Variants in DCLK1 observed in about 807,000 individuals in gnomAD.
DCLK1 encodes serine/threonine-protein kinase DCLK1.
DCLK1 carries 16 observed loss-of-function variants against 86.2 expected under a neutral mutation model. The observed-to-expected ratio is 0.19, with a 90% CI of 0.13 to 0.28. The LOEUF (loss-of-function observed/expected upper bound fraction) is 0.28, where lower values mean the gene tolerates loss of function less well. Ranked by LOEUF, DCLK1 falls within the 10% of genes least tolerant of loss-of-function variation. The pLI is 1.00. For missense variants in DCLK1, 590 were observed against 940.2 expected (o/e 0.63, Z 4.87); for synonymous variants, 369 against 370.5 (o/e 1.00, Z 0.05).
At chr13:35,880,222 C>T (rs1208494830) in intron 4 of DCLK1, among the ~76,000 whole-genome samples, 3 of 152,204 alleles carry the variant, frequency 2.0e-5, no homozygotes, top group African/African-American at 7.2e-5. Flanking sequence ...GTACCCATTG[C>T]TTAACCATCC....
At chr13:35,908,863 T>C (rs1479867831) in intron 4 of DCLK1, among the ~76,000 whole-genome samples, 1 of 152,202 alleles carries the variant, frequency 6.6e-6, no homozygotes. Flanking sequence ...CTTGAACTCC[T>C]GACCTCAAGT....
At chr13:36,060,625 C>A (rs1369986143) in intron 3 of DCLK1, among the ~76,000 whole-genome samples, 3 of 152,116 alleles carry the variant, frequency 2.0e-5, no homozygotes, top group African/African-American at 7.2e-5. Flanking sequence ...CTTCAGTATG[C>A]ACTCTGCAAG....
At chr13:35,922,501 T>C (rs149487325) in intron 4 of DCLK1, among the ~76,000 whole-genome samples, 12 of 152,300 alleles carry the variant, frequency 7.9e-5, no homozygotes, top group African/African-American at 2.6e-4. Flanking sequence ...TCTGAATCTA[T>C]TTCTTTGACT....
At chr13:35,775,546 T>C (rs1160829017) in intron 16 of DCLK1, among the ~76,000 whole-genome samples, 2 of 152,062 alleles carry the variant, frequency 1.3e-5, no homozygotes, top group East Asian at 3.9e-4. Flanking sequence ...ACAGATTTAA[T>C]GGGTGTGGGG....
At chr13:35,952,031 T>G (rs1877718008) in intron 3 of DCLK1, among the ~76,000 whole-genome samples, 2 of 152,188 alleles carry the variant, frequency 1.3e-5, no homozygotes, top group Admixed American at 1.3e-4. Flanking sequence ...GTTAATCTCT[T>G]TGTGTCTCGG....
intron 15 of DCLK1, among the ~76,000 whole-genome samples, chr13:35,802,124 A>G (rs2086932764): frequency 1.3e-5 from 2 of 152,128 alleles, no homozygotes. Flanking sequence ...GGGCTGGCAC[A>G]CAGTGTCTCT....
At chr13:35,980,641 T>C (rs1232001975) in intron 3 of DCLK1, among the ~76,000 whole-genome samples, 2 of 152,098 alleles carry the variant, frequency 1.3e-5, no homozygotes, top group African/African-American at 4.8e-5. Context: ...GAAGAAAATT[T>C]TTCCATGGAC....
At chr13:35,996,121 G>T (rs1158380347) in intron 3 of DCLK1, among the ~76,000 whole-genome samples, 2 of 152,028 alleles carry the variant, frequency 1.3e-5, no homozygotes, top group South Asian at 2.1e-4. Flanking sequence ...TAGAGACGGG[G>T]CTTCACCATG....
At chr13:35,913,426 A>G (rs541300739) in intron 4 of DCLK1, among the ~76,000 whole-genome samples, 3 of 152,212 alleles carry the variant, frequency 2.0e-5, no homozygotes, top group Admixed American at 6.5e-5. Context: ...ACCATGTCCA[A>G]CCACAAATGC....
At chr13:36,115,993 A>C (rs2138198220) in intron 2 of DCLK1, among the ~76,000 whole-genome samples, 1 of 151,772 alleles carries the variant, frequency 6.6e-6, no homozygotes, top group Non-Finnish European at 1.5e-5. Context: ...TCTGTCACCC[A>C]GGCTGGAGTG....
Position 35,923,829 on chromosome 13 carries a change from G to A in DCLK1, c.823+23529C>T, listed in dbSNP as rs141026443. 9.7e-4 allele frequency among the ~76,000 whole-genome samples: 147 copies of A among 152,290 alleles called. 1 individual carries two copies. Among genetic ancestry groups the A allele is most frequent in the African/African-American group, 3.2e-3 (134 of 41,552 alleles). On this transcript the variant is annotated intron_variant, in intron 4 of 16. Coordinates refer to ENST00000360631, the MANE Select transcript of DCLK1 (RefSeq NM_001330071.2). ...AGGACAGAAGAAACCCTGGGGGTCT[G>A]TTAGCCCTTGCTGTCAAGAATAGGA...
intron 8 of DCLK1, among the ~76,000 whole-genome samples, chr13:35,835,468 T>C (rs1869293911): frequency 6.6e-6 from 1 of 152,222 alleles, no homozygotes; most frequent in Non-Finnish European, 1.5e-5. Context: ...CTTTTCCGTC[T>C]AGTAGCCACC....
At chr13:36,011,608 C>T (rs1261123191) in intron 3 of DCLK1, among the ~76,000 whole-genome samples, 15 of 151,584 alleles carry the variant, frequency 9.9e-5, no homozygotes, top group Admixed American at 9.9e-4. Context: ...GTTATAATTT[C>T]TGTTCTTTTA....
intron 4 of DCLK1, among the ~76,000 whole-genome samples, chr13:35,884,729 A>C (rs1025611481): frequency 6.6e-6 from 1 of 152,130 alleles, no homozygotes; most frequent in African/African-American, 2.4e-5. Flanking sequence ...GGTTGAGGTC[A>C]AGTGGTCTGG....
At chr13:35,900,505 G>C (rs956040072) in intron 4 of DCLK1, among the ~76,000 whole-genome samples, 1 of 152,176 alleles carries the variant, frequency 6.6e-6, no homozygotes, top group African/African-American at 2.4e-5. Context: ...GCCTCCAAAA[G>C]TGTTGGGATT....
At chr13:36,043,636 C>T (rs1309133262) in intron 3 of DCLK1, among the ~76,000 whole-genome samples, 6 of 151,866 alleles carry the variant, frequency 4.0e-5, no homozygotes, top group African/African-American at 7.3e-5. Flanking sequence ...ATAGATCCTA[C>T]GGGATGCCAG....
At chr13:35,977,113 G>A (rs1017507269) in intron 3 of DCLK1, among the ~76,000 whole-genome samples, 31 of 116,474 alleles carry the variant, frequency 2.7e-4, no homozygotes, top group Middle Eastern at 4.1e-3. Flanking sequence ...TGTATTTTTC[G>A]TGTATGTGTG....
chr13:35,978,813 TACAAAATG>T (rs1879487753), intron 3 of DCLK1, among the ~76,000 whole-genome samples: 1 of 152,092 alleles, frequency 6.6e-6, no homozygotes, highest in Admixed American at 6.5e-5. Flanking sequence ...ACAAAGATAT[TACAAAATG>T]ACAACGGCAT....
At chr13:36,048,125 T>C (rs890946185) in intron 3 of DCLK1, among the ~76,000 whole-genome samples, 4 of 152,194 alleles carry the variant, frequency 2.6e-5, no homozygotes, top group African/African-American at 9.6e-5. Flanking sequence ...ATGTTGTATA[T>C]CATAAGTATA....
Sources: gnomAD v4.1 joint callset for allele counts (sites outside exome capture counted in the v4.1 genomes callset) on GRCh38, gnomAD v4.1.1 for gene constraint, MANE v1.5 for transcripts, NCBI Gene and HGNC (gene_info 2026-07-23, HGNC 2026-07-21) for gene names.